Variants in PDE7A observed in about 807,000 individuals in gnomAD.
PDE7A encodes phosphodiesterase 7A.
Under a neutral mutation model 64.3 loss-of-function variants are expected in PDE7A, and 39 were observed. That is an observed-to-expected ratio of 0.61 (90% CI 0.47 to 0.79). The LOEUF is 0.79. Ranked by LOEUF, PDE7A falls within the 30% of genes least tolerant of loss-of-function variation. The pLI, the probability that PDE7A is intolerant of heterozygous loss-of-function variation, is 0.00. For synonymous variants in PDE7A, 203 were observed against 206.8 expected (o/e 0.98, Z 0.16); for missense variants, 470 against 582.8 (o/e 0.81, Z 1.99).
intron 5 of PDE7A, among the ~76,000 whole-genome samples, chr8:65,740,855 C>A (rs999875584): frequency 1.3e-5 from 2 of 152,134 alleles, no homozygotes; most frequent in African/African-American, 2.4e-5. Flanking sequence ...GTTCTAGATT[C>A]TCTCATCTCT....
At chr8:65,726,693 G>A (rs1316842303) in intron 9 of PDE7A, among the ~76,000 whole-genome samples, 182 bp downstream of exon 9, 6 of 152,068 alleles carry the variant, frequency 3.9e-5, no homozygotes, top group Non-Finnish European at 7.4e-5. Context: ...CCATTAAAAT[G>A]TTACCGACTA....
rs774809349 is a variant in PDE7A, at chr8:65,734,804, T to A, written c.686A>T (p.Lys229Met). 2 of 1,590,518 alleles carry A rather than the reference T, an allele frequency of 1.3e-6. No individual in the cohort carries two copies. Among genetic ancestry groups the A allele is most frequent in the Non-Finnish European group, 1.7e-6 (2 of 1,158,970 alleles). Reference sequence around the variant, plus strand: ...ATGTCAACCTCTTACCTTAGGTTCCTTTAAGTAACAGTGCATGGCCTGAGT... The same window carrying A: ...ATGTCAACCTCTTACCTTAGGTTCCATTAAGTAACAGTGCATGGCCTGAGT... ...DVTQAMHCYL[K>M]EPKLANSVTP... is the part of the protein sequence containing the mutation. The change falls in exon 7 of 13, where the codon AAG becomes ATG. Residue 229 changes from lysine to methionine, a missense_variant. By Grantham distance (95) the Lys-to-Met change is moderately conservative (BLOSUM62 -1). Coordinates refer to ENST00000401827, the MANE Select transcript of PDE7A (RefSeq NM_001242318.3).
rs577515493 is a variant in PDE7A at position 65,714,914 on chromosome 8, A to G, written c.*4376T>C. On this transcript the variant is annotated 3_prime_UTR_variant, in exon 13 of 13. Coordinates refer to ENST00000401827, the MANE Select transcript of PDE7A (RefSeq NM_001242318.3). ...TAAAATATGATTTTTACTTTTATAC[A>G]GAGTATCATTACCAACCATCACATT... The G allele has an allele frequency of 6.6e-6, 1 of 152,340 alleles. No homozygotes were observed. The highest frequency in any genetic ancestry group is 1.9e-4 in the East Asian group (1 of 5,186). The allele number at this position is 152,340 out of a possible 1,614,324, so 9.4% of individuals were successfully genotyped here. A position where few individuals can be genotyped will look rare whatever the true frequency, so the allele number is the denominator to read the frequency against.
At chr8:65,818,495 C>A (rs1810467825) in intron 1 of PDE7A, among the ~76,000 whole-genome samples, 1 of 152,118 alleles carries the variant, frequency 6.6e-6, no homozygotes, top group African/African-American at 2.4e-5. Flanking sequence ...TGTCCCTTTG[C>A]ACAATTTAGT....
chr8:65,770,795 T>G (rs1187780678), intron 3 of PDE7A, among the ~76,000 whole-genome samples: 1 of 152,244 alleles, frequency 6.6e-6, no homozygotes. Flanking sequence ...CTGTAACAAT[T>G]TGAACTTCTT....
chr8:65,736,993 C>T (rs893285221), intron 6 of PDE7A, among the ~76,000 whole-genome samples: 1 of 150,196 alleles, frequency 6.7e-6, no homozygotes, highest in African/African-American at 2.4e-5. Flanking sequence ...AGTGATTCTC[C>T]TGCCTCAGCC....
At chr8:65,780,720 G>A (rs1269417444) in intron 2 of PDE7A, 1 of 152,160 alleles carries the variant, frequency 6.6e-6, no homozygotes, top group Non-Finnish European at 1.5e-5. Flanking sequence ...CCAGCTCCAT[G>A]GGTTCCAAAG....
chr8:65,833,252 G>T (rs1810874367), intron 1 of PDE7A, among the ~76,000 whole-genome samples: 1 of 152,126 alleles, frequency 6.6e-6, no homozygotes, highest in Non-Finnish European at 1.5e-5. Flanking sequence ...TTTCTCCAGA[G>T]AAGTGGTTTC....
intron 3 of PDE7A, among the ~76,000 whole-genome samples, chr8:65,758,989 T>C (rs1808365407): frequency 6.6e-6 from 1 of 152,132 alleles, no homozygotes; most frequent in Non-Finnish European, 1.5e-5. Flanking sequence ...TTACCGTCAT[T>C]ATGTGTCTGA....
At chr8:65,819,556 CA>C (rs987807643) in intron 1 of PDE7A, among the ~76,000 whole-genome samples, 6 of 151,878 alleles carry the variant, frequency 4.0e-5, no homozygotes, top group Non-Finnish European at 8.8e-5. Flanking sequence ...TTGTTAACAG[CA>C]AAAAAATTAA....
chr8:65,834,686 G>T (rs1810912970), intron 1 of PDE7A, among the ~76,000 whole-genome samples: 1 of 152,008 alleles, frequency 6.6e-6, no homozygotes, highest in African/African-American at 2.4e-5. Context: ...ACTTGCCTTG[G>T]TCTTCTCCAT....
At chr8:65,795,604 T>C (rs181261633) in intron 1 of PDE7A, among the ~76,000 whole-genome samples, 28 of 151,970 alleles carry the variant, frequency 1.8e-4, no homozygotes, top group Admixed American at 5.9e-4. Context: ...GGACATTCCA[T>C]AGAGATTCCA....
rs545752814 is a variant in PDE7A at position 65,757,907 on chromosome 8, A to G, written c.284-10104T>C. Among the ~76,000 whole-genome samples, 12 of 152,188 alleles carry G rather than the reference A, an allele frequency of 7.9e-5. 1 individual carries two copies. The highest frequency in any genetic ancestry group is 2.1e-4 in the South Asian group (1 of 4,824). On this transcript the variant is annotated intron_variant, in intron 3 of 12. Coordinates refer to ENST00000401827, the MANE Select transcript of PDE7A (RefSeq NM_001242318.3). ...GCTGGGATTACAGGTGTGAGCCACC[A>G]CACCCAGCCAACTCCAAGACTTTTA...
At chr8:65,744,374 T>C (rs528682055) in intron 5 of PDE7A, among the ~76,000 whole-genome samples, 1 of 152,226 alleles carries the variant, frequency 6.6e-6, no homozygotes, top group African/African-American at 2.4e-5. Flanking sequence ...TAAGGTTTAG[T>C]GGTCCTCAAT....
chr8:65,821,713 C>T (rs1275234169), intron 1 of PDE7A, among the ~76,000 whole-genome samples: 1 of 152,210 alleles, frequency 6.6e-6, no homozygotes, highest in African/African-American at 2.4e-5. Flanking sequence ...TCAGAATCAA[C>T]ATGTGCTACC....
intron 6 of PDE7A, among the ~76,000 whole-genome samples, chr8:65,737,583 T>C (rs1386108637): frequency 6.6e-6 from 1 of 152,030 alleles, no homozygotes; most frequent in Non-Finnish European, 1.5e-5. Context: ...CGGCTCACTC[T>C]CTCTCTCTCA....
intron 3 of PDE7A, among the ~76,000 whole-genome samples, chr8:65,773,075 A>C (rs1039357321): frequency 6.6e-6 from 1 of 152,250 alleles, no homozygotes; most frequent in Non-Finnish European, 1.5e-5. Flanking sequence ...GCTAATGTTT[A>C]GGACAATCAG....
rs1806269461 is a variant in PDE7A, at chr8:65,719,129, T to C, written c.*161A>G. Reference sequence around the variant, plus strand: ...TCGGGTCTTGCAATTAACAAGTGGGTTCAAATGATCCAACAGAGGAAATCT... The same window carrying C: ...TCGGGTCTTGCAATTAACAAGTGGGCTCAAATGATCCAACAGAGGAAATCT... On this transcript the variant is annotated 3_prime_UTR_variant, in exon 13 of 13. Coordinates refer to ENST00000401827, the MANE Select transcript of PDE7A (RefSeq NM_001242318.3). The C allele has an allele frequency of 1.6e-6, 1 of 613,050 alleles. No homozygotes were observed. 38.0% of individuals were successfully genotyped at this position (613,050 alleles called of 1,614,324 possible). A position where few individuals can be genotyped will look rare whatever the true frequency, so the allele number is the denominator to read the frequency against.
intron 1 of PDE7A, among the ~76,000 whole-genome samples, chr8:65,784,201 T>C (rs1809489488): frequency 6.6e-6 from 1 of 151,826 alleles, no homozygotes; most frequent in African/African-American, 2.4e-5. Flanking sequence ...AAAGTGAGAC[T>C]GTCTCAAAAA....
Sources: allele counts gnomAD v4.1 joint callset (sites outside exome capture counted in the v4.1 genomes callset), GRCh38; gene constraint gnomAD v4.1.1; transcripts MANE v1.5; gene names NCBI Gene and HGNC (gene_info 2026-07-23, HGNC 2026-07-21).